CAMK4: variants seen among roughly 807,000 people sequenced by gnomAD.
CAMK4 encodes the protein calcium/calmodulin-dependent protein kinase type IV.
A neutral mutation model predicts 44.9 loss-of-function variants in CAMK4; 22 were observed. The observed-to-expected ratio is 0.49, with a 90% CI of 0.35 to 0.70. The LOEUF is 0.70. CAMK4 is among the 30% of genes least tolerant of loss of function. CAMK4 has a pLI of 0.01. For synonymous variants in CAMK4, 218 were observed against 215.4 expected, an observed-to-expected ratio of 1.01 and a Z score of -0.11; for missense variants, 498 against 586.8, an observed-to-expected ratio of 0.85 and a Z score of 1.56.
chr5:111,301,120 A>G (rs1747700680), intron 1 of CAMK4, among the ~76,000 whole-genome samples: 2 of 151,652 alleles, frequency 1.3e-5, no homozygotes, highest in African/African-American at 4.8e-5. Flanking sequence ...CTTTTGTAAG[A>G]CATATGACCC....
chr5:111,240,768 G>T (rs112233422), intron 1 of CAMK4, among the ~76,000 whole-genome samples: 16 of 152,180 alleles, frequency 1.1e-4, no homozygotes, highest in Non-Finnish European at 2.9e-5. Context: ...CTTTCAAGTT[G>T]TTCTCTGATT....
intron 1 of CAMK4, among the ~76,000 whole-genome samples, chr5:111,331,307 A>G (rs2112721880): frequency 6.6e-6 from 1 of 151,912 alleles, no homozygotes; most frequent in East Asian, 1.9e-4. Flanking sequence ...CAAAAGATGA[A>G]TGAATTACAT....
chr5:111,484,134 G>A lies in CAMK4; in HGVS notation c.1090G>A (p.Asp364Asn). The change falls in exon 11 of 11, where the codon GAT (aspartate) becomes AAT (asparagine). Residue 364 changes from aspartate to asparagine, a missense_variant. Transcript: ENST00000282356. The surrounding 1 kb of genome is among the most constrained non-coding windows in gnomAD (Gnocchi z 5.3). The stretch of plus-strand genomic sequence containing the variant: ...TAGCCGAGACCCTTCTCCAATCCAA[G>A]ATGGCAACGAGGACATGAAAGCTAT... Reference protein sequence around the residue: ...KASRDPSPIQDGNEDMKAIPE... With the variant: ...KASRDPSPIQNGNEDMKAIPE... The A allele has an allele frequency of 6.2e-7, 1 of 1,614,196 alleles. No homozygotes were observed. Among genetic ancestry groups the A allele is most frequent in the Non-Finnish European group, 8.5e-7 (1 of 1,180,024 alleles).
At chr5:111,226,708 G>A (rs1272449545) in intron 1 of CAMK4, among the ~76,000 whole-genome samples, 1 of 152,212 alleles carries the variant, frequency 6.6e-6, no homozygotes, top group Non-Finnish European at 1.5e-5. Flanking sequence ...TGACAACAGA[G>A]AACACTCTAG....
At chr5:111,419,358 A>C (rs546904938) in intron 5 of CAMK4, among the ~76,000 whole-genome samples, 510 of 152,166 alleles carry the variant, frequency 3.4e-3, no homozygotes, top group Middle Eastern at 0.017. Context: ...TTGTCAGATG[A>C]GTAGGTTGTG....
At chr5:111,339,023 A>C (rs1338474422) in intron 1 of CAMK4, among the ~76,000 whole-genome samples, 1 of 151,042 alleles carries the variant, frequency 6.6e-6, no homozygotes, top group Non-Finnish European at 1.5e-5. Flanking sequence ...AATAGTGTTG[A>C]CTCTATAGAT....
intron 4 of CAMK4, among the ~76,000 whole-genome samples, chr5:111,382,781 A>G (rs544627480): frequency 6.6e-6 from 1 of 152,320 alleles, no homozygotes; most frequent in African/African-American, 2.4e-5. Flanking sequence ...TCCAAAGTAT[A>G]TAATTTTGCT....
chr5:111,281,832 G>T (rs561241853), intron 1 of CAMK4, among the ~76,000 whole-genome samples: 1 of 152,238 alleles, frequency 6.6e-6, no homozygotes, highest in East Asian at 1.9e-4. Context: ...GCCGAGGCGG[G>T]CGGATCACGA....
At chr5:111,439,598 C>G (rs1753757726) in intron 5 of CAMK4, among the ~76,000 whole-genome samples, 1 of 152,138 alleles carries the variant, frequency 6.6e-6, no homozygotes, top group Admixed American at 6.5e-5. Flanking sequence ...AATGTTGAGA[C>G]TGGAGCACCA....
chr5:111,273,116 T>G (rs948206138), intron 1 of CAMK4, among the ~76,000 whole-genome samples: 3 of 152,162 alleles, frequency 2.0e-5, no homozygotes, highest in African/African-American at 7.2e-5. Context: ...TGTCAAAAAT[T>G]ATACAACTGT....
chr5:111,332,253 C>T lies in CAMK4; in HGVS notation c.162-11771C>T, dbSNP rs201862596. 1.2e-3 allele frequency among the ~76,000 whole-genome samples: 153 copies of T among 127,096 alleles called. 1 individual carries two copies. The highest frequency in any genetic ancestry group is 3.9e-3 in the African/African-American group (131 of 34,008). 83.4% of individuals were successfully genotyped at this position (127,096 alleles called of 152,430 possible). ...CCCTCCCCCCACCCCACAACAGTCC[C>T]GGAGTGTGATGTTCCCCTTCCTGTG... On this transcript the variant is annotated intron_variant, in intron 1 of 10. Transcript: ENST00000282356.
chr5:111,326,509 A>C (rs983612079), intron 1 of CAMK4, among the ~76,000 whole-genome samples: 1 of 151,948 alleles, frequency 6.6e-6, no homozygotes, highest in African/African-American at 2.4e-5. Flanking sequence ...TGAATTCTAC[A>C]AAAGCCTTAA....
At chr5:111,436,608 G>A (rs1753655870) in intron 5 of CAMK4, among the ~76,000 whole-genome samples, 1 of 152,184 alleles carries the variant, frequency 6.6e-6, no homozygotes, top group Non-Finnish European at 1.5e-5. Context: ...CAGCAACCTT[G>A]GCCATCTTCA....
intron 1 of CAMK4, among the ~76,000 whole-genome samples, chr5:111,244,521 A>G (rs1485384353): frequency 1.3e-5 from 2 of 152,188 alleles, no homozygotes; most frequent in Non-Finnish European, 2.9e-5. Flanking sequence ...TACTAGTTAA[A>G]TATGCTAGTG....
intron 1 of CAMK4, among the ~76,000 whole-genome samples, chr5:111,252,462 T>C (rs576985962): frequency 2.6e-5 from 4 of 152,348 alleles, no homozygotes; most frequent in South Asian, 2.1e-4. Flanking sequence ...ATATTTTCTA[T>C]AGATCCTTTC....
At chr5:111,421,928 C>T (rs1753047103) in intron 5 of CAMK4, among the ~76,000 whole-genome samples, 1 of 152,176 alleles carries the variant, frequency 6.6e-6, no homozygotes, top group Admixed American at 6.5e-5. Context: ...GGTTCGCTTG[C>T]ACACACTCTC....
At chr5:111,267,099 C>T (rs1353227518) in intron 1 of CAMK4, among the ~76,000 whole-genome samples, 1 of 152,102 alleles carries the variant, frequency 6.6e-6, no homozygotes, top group East Asian at 1.9e-4. Context: ...GTCCCTGAAT[C>T]CTATTAATAT....
At chr5:111,374,817 C>G in intron 2 of CAMK4, 33 bp from the exon 3 acceptor site, 1 of 1,404,350 alleles carries the variant, frequency 7.1e-7, no homozygotes, top group Non-Finnish European at 1.0e-6. Context: ...GGGGGAGTTT[C>G]TTTCAGTTTA....
intron 4 of CAMK4, among the ~76,000 whole-genome samples, chr5:111,391,452 A>G (rs1480369195): frequency 6.6e-6 from 1 of 152,160 alleles, no homozygotes; most frequent in Non-Finnish European, 1.5e-5. Flanking sequence ...CTGGAGGTCA[A>G]TAGAGGACAG....
Sources: allele counts gnomAD v4.1 joint callset (sites outside exome capture counted in the v4.1 genomes callset), GRCh38; gene constraint gnomAD v4.1.1; non-coding constraint Gnocchi (gnomAD v3.1); transcripts MANE v1.5; gene names NCBI Gene and HGNC (gene_info 2026-07-23, HGNC 2026-07-21).